The following SPTBN2 variants were observed in gnomAD, a reference collection of about 807,000 sequenced individuals.
The protein encoded by SPTBN2 is spectrin beta chain, non-erythrocytic 2.
A neutral mutation model predicts 284.2 loss-of-function variants in SPTBN2; 107 were observed. The observed-to-expected ratio is 0.38, with a 90% CI of 0.32 to 0.44. The LOEUF (loss-of-function observed/expected upper bound fraction) is 0.44. Among genes scored for constraint, SPTBN2 ranks in the 20% least tolerant of loss-of-function variants. SPTBN2 has a pLI of 1.00. For missense variants in SPTBN2, 2,569 were observed against 3,287.1 expected, an observed-to-expected ratio of 0.78 and a Z score of 5.34; for synonymous variants, 1,289 against 1,354.8, an observed-to-expected ratio of 0.95 and a Z score of 1.07.
In SPTBN2 at chr11:66,687,525, C is replaced by T; in HGVS notation, c.6624G>A (p.Leu2208=). 1.2e-6 allele frequency: 2 copies of T among 1,612,220 alleles called. No homozygotes were observed. Among genetic ancestry groups the T allele is most frequent in the South Asian group, 2.2e-5 (2 of 91,082 alleles). The change falls in exon 35 of 38, where the codon CTG becomes CTA. Residue 2208 remains leucine (L), a synonymous_variant. Coordinates refer to ENST00000533211, the MANE Select transcript of SPTBN2 (RefSeq NM_006946.4). The surrounding 1 kb of genome is among the most constrained non-coding windows in gnomAD (Gnocchi z 5.2). ...RSTESAHAAT[L]PPRGPEPSAQ... Reference sequence around the variant, plus strand: ...CAGATGGCTCTGGGCCTCGAGGCGGCAGGGTGGCAGCATGGGCTGACTCGG... The same window carrying T: ...CAGATGGCTCTGGGCCTCGAGGCGGTAGGGTGGCAGCATGGGCTGACTCGG...
chr11:66,713,219 T>TAA (rs113666247), intron 8 of SPTBN2, among the ~76,000 whole-genome samples: 6 of 136,632 alleles, frequency 4.4e-5, no homozygotes, highest in African/African-American at 1.1e-4. Context: ...AGTCTTTTGT[T>TAA]AAAAAAAAAA....
In SPTBN2 at chr11:66,688,214, C is replaced by A; in HGVS notation, c.6329G>T (p.Gly2110Val). ...APEPTASVPP[G>V]DLVGGQTASD... ...AGCTGTCTGGCCGCCCACCAGGTCC[C>A]CTGGAGGCACACTGGCTGTGGGTTC... Residue 2110 changes from glycine (G) to valine (V), a missense_variant, in exon 32 of 38, where the codon GGG becomes GTG. By Grantham distance (109) the Gly-to-Val change is moderately radical. Transcript: ENST00000533211. The A allele has an allele frequency of 6.2e-7, 1 of 1,613,744 alleles. No homozygotes were observed. The highest frequency in any genetic ancestry group is 8.5e-7 in the Non-Finnish European group (1 of 1,180,038).
intron 21 of SPTBN2, among the ~76,000 whole-genome samples, chr11:66,696,069 C>T (rs980909687): frequency 1.1e-4 from 16 of 152,248 alleles, no homozygotes; most frequent in Non-Finnish European, 1.5e-4. Context: ...AAGTTCTCAT[C>T]GTCAAATTAT....
At position 66,687,529 on chromosome 11, in the gene SPTBN2, G is replaced by A. The variant is rs1311464400; in HGVS notation, c.6620C>T (p.Thr2207Ile). 5.0e-6 allele frequency: 8 copies of A among 1,612,324 alleles called. No homozygotes were observed. Among genetic ancestry groups the A allele is most frequent in the South Asian group, 1.1e-5 (1 of 91,084 alleles). The change falls in exon 35 of 38, where the codon ACC (threonine) becomes ATC (isoleucine). Residue 2207 changes from threonine (T) to isoleucine (I), a missense_variant. This residue lies in a region of SPTBN2 where 1,130 missense variants were observed against 1,317.3 expected (regional missense o/e 0.86). Transcript: ENST00000533211. This position sits in a 1 kb window ranked among gnomAD's most constrained non-coding sequence, Gnocchi z 5.2. ...TGGCTCTGGGCCTCGAGGCGGCAGGGTGGCAGCATGGGCTGACTCGGTAGA... is the reference window on the plus strand; with the variant it reads ...TGGCTCTGGGCCTCGAGGCGGCAGGATGGCAGCATGGGCTGACTCGGTAGA... ...SRSTESAHAA[T>I]LPPRGPEPSA...
upstream of SPTBN2, among the ~76,000 whole-genome samples, chr11:66,732,689 C>T (rs1045029557): frequency 4.1e-5 from 6 of 146,128 alleles, no homozygotes; most frequent in East Asian, 2.0e-4. Flanking sequence ...AAAGAGGCTG[C>T]GCGCGGTGGC....
intron 13 of SPTBN2, among the ~76,000 whole-genome samples, chr11:66,706,814 T>C (rs529534550): frequency 3.7e-4 from 52 of 138,894 alleles, no homozygotes; most frequent in Non-Finnish European, 6.1e-4. Context: ...TGTATTTTTA[T>C]AGACACGGGG....
chr11:66,711,788 T>C (rs1467661946), intron 8 of SPTBN2, among the ~76,000 whole-genome samples: 2 of 152,218 alleles, frequency 1.3e-5, no homozygotes, highest in African/African-American at 4.8e-5. Context: ...CTTAGCTTTA[T>C]TTCCAGGTTC....
chr11:66,739,607 C>T (rs193155347), intron 1 of SPTBN2, among the ~76,000 whole-genome samples: 7 of 152,318 alleles, frequency 4.6e-5, no homozygotes, highest in Admixed American at 4.6e-4. Context: ...AATAGGTTTA[C>T]TTGACCATAT....
rs770136906 is a variant in SPTBN2 at position 66,692,625 on chromosome 11, G to A, written c.5101C>T (p.Arg1701Cys). Residue 1701 changes from arginine (R) to cysteine (C), a missense_variant, in exon 26 of 38, where the codon CGC becomes TGC. By Grantham distance (180) the Arg-to-Cys change is radical. Coordinates refer to ENST00000533211, the MANE Select transcript of SPTBN2 (RefSeq NM_006946.4). ...QEHLRLCQLR[R>C]ELDDLEQWIQ... ...CACTGTTCCAGGTCATCCAGCTCGC[G>A]GCGGAGCTGGCACAGCCGGAGGTGC... 19 of 1,606,052 alleles carry A rather than the reference G, an allele frequency of 1.2e-5. No homozygotes were observed. The highest frequency in any genetic ancestry group is 4.0e-5 in the African/African-American group (3 of 74,924).
chr11:66,722,290 G>C (rs972525210), intron 1 of SPTBN2, among the ~76,000 whole-genome samples: 5 of 151,494 alleles, frequency 3.3e-5, no homozygotes, highest in African/African-American at 7.3e-5. Context: ...AAGATATTAA[G>C]TTGGCTGGGC....
intron 15 of SPTBN2, 90 bp downstream of exon 15, chr11:66,704,508 G>A: frequency 6.9e-7 from 1 of 1,440,424 alleles, no homozygotes; most frequent in Non-Finnish European, 9.4e-7. Context: ...GGGTGAGGCA[G>A]GAAGTTTATG....
intron 20 of SPTBN2, 65 bp downstream of exon 20, chr11:66,698,574 G>A (rs1941064578): frequency 6.2e-7 from 1 of 1,611,284 alleles, no homozygotes; most frequent in Non-Finnish European, 8.5e-7. Flanking sequence ...CCACGTCCTG[G>A]AGCCAGGCCC....
At chr11:66,705,663 G>T (rs1257656839) in intron 14 of SPTBN2, 21 bp downstream of exon 14, 2 of 1,609,496 alleles carry the variant, frequency 1.2e-6, no homozygotes, top group South Asian at 1.1e-5. Context: ...TCCCTCTCCA[G>T]TGCCTTCGCT....
rs936076121 is a variant in SPTBN2 at position 66,698,617 on chromosome 11, C to A, written c.4014+22G>T. On this transcript the variant is annotated intron_variant, in intron 20 of 37. Transcript: ENST00000533211. ...TACCATGGGGGACTCTGCCCAGAGG[C>A]AGCCCCCACAGCACTGCTCACCTTG... 10 of 1,613,906 alleles carry A rather than the reference C, an allele frequency of 6.2e-6. No homozygotes were observed. The Admixed American group carries it at 1.3e-4, about 22-fold the overall frequency.
chr11:66,710,533 T>C lies in SPTBN2; in HGVS notation c.1073+49A>G, dbSNP rs747691721. On this transcript the variant is annotated intron_variant, in intron 10 of 37. Coordinates refer to ENST00000533211, the MANE Select transcript of SPTBN2 (RefSeq NM_006946.4). The surrounding 1 kb of genome is among the most constrained non-coding windows in gnomAD (Gnocchi z 4.9). The stretch of plus-strand genomic sequence containing the variant: ...GAAGGCTGTGCTAATTTAGGCTTCC[T>C]CTCGTGGGAGCACAGCTCAGGGAAG... The C allele has an allele frequency of 1.3e-6, 2 of 1,592,826 alleles. No homozygotes were observed. Among genetic ancestry groups the C allele is most frequent in the Non-Finnish European group, 1.7e-6 (2 of 1,168,156 alleles).
Position 66,687,800 on chromosome 11 carries a change from C to G in SPTBN2, c.6501+68G>C. ...ATCCCATCCCCAGTACTCCCCCACC[C>G]GCACTCACCACCCCCTCTGGACCCT... On this transcript the variant is annotated intron_variant, in intron 34 of 37. Coordinates refer to ENST00000533211, the MANE Select transcript of SPTBN2 (RefSeq NM_006946.4). This position sits in a 1 kb window ranked among gnomAD's most constrained non-coding sequence, Gnocchi z 5.2. The G allele has an allele frequency of 4.4e-6, 7 of 1,606,062 alleles. No individual in the cohort carries two copies. Among genetic ancestry groups the G allele is most frequent in the Middle Eastern group, 1.7e-4 (1 of 6,032 alleles).
At position 66,699,094 on chromosome 11, in the gene SPTBN2, C is replaced by A; in HGVS notation, c.3777-12G>T. On this transcript the variant is annotated splice_polypyrimidine_tract_variant and intron_variant, in intron 18 of 37. Transcript: ENST00000533211. ...GATTCTTCTTGTGCCTGGAACGACA[C>A]CCTCTTGTGAAACTCTGGAATTTGC... The A allele has an allele frequency of 1.2e-6, 2 of 1,614,190 alleles. No individual in the cohort carries two copies. The highest frequency in any genetic ancestry group is 1.7e-6 in the Non-Finnish European group (2 of 1,180,014).
rs954754491 is a variant in SPTBN2 at position 66,693,589 on chromosome 11, C to T, written c.4594-143G>A. On this transcript the variant is annotated intron_variant, in intron 23 of 37. Transcript: ENST00000533211. This position sits in a 1 kb window ranked among gnomAD's most constrained non-coding sequence, Gnocchi z 5.7. ...AGCCTGGGGGTGCGATGGTAACACC[C>T]GTCAGCCGCCCAGCCCCCACTATCT... 13 of 1,420,706 alleles carry T rather than the reference C, an allele frequency of 9.2e-6. 1 individual carries two copies. The highest frequency in any genetic ancestry group is 5.7e-5 in the African/African-American group (4 of 70,626). 88.0% of individuals were successfully genotyped at this position (1,420,706 alleles called of 1,614,324 possible). A position where few individuals can be genotyped will look rare whatever the true frequency, so the allele number is the denominator to read the frequency against.
chr11:66,699,197 A>T, intron 18 of SPTBN2, 115 bp from the exon 19 acceptor site: 2 of 1,388,724 alleles, frequency 1.4e-6, no homozygotes, highest in South Asian at 2.4e-5. Flanking sequence ...CGGGAGCACA[A>T]TGAGGCTACC....
Sources: gnomAD v4.1 joint callset for allele counts (sites outside exome capture counted in the v4.1 genomes callset) on GRCh38, gnomAD v4.1.1 for gene constraint, gnomAD v4.1.1 regional missense constraint, Gnocchi (gnomAD v3.1) non-coding constraint, MANE v1.5 for transcripts, NCBI Gene and HGNC (gene_info 2026-07-23, HGNC 2026-07-21) for gene names.